The following CNTN4 variants were observed in gnomAD, a reference collection of about 807,000 sequenced individuals.
CNTN4 encodes the protein contactin 4, also known as contactin-4.
Under a neutral mutation model 122.5 loss-of-function variants are expected in CNTN4, and 77 were observed. The observed-to-expected ratio is 0.63, with a 90% CI of 0.52 to 0.76. The LOEUF (loss-of-function observed/expected upper bound fraction) is 0.76, where lower values mean the gene tolerates loss of function less well. Among genes scored for constraint, CNTN4 ranks in the 30% least tolerant of loss-of-function variants. CNTN4 has a pLI of 0.00. For synonymous variants in CNTN4, 512 were observed against 447.0 expected (o/e 1.15, Z -1.83); for missense variants, 1,256 against 1,259.1 (o/e 1.00, Z 0.04).
intron 6 of CNTN4, among the ~76,000 whole-genome samples, chr3:2,799,814 G>A (rs941824488): frequency 5.3e-5 from 8 of 151,972 alleles, no homozygotes; most frequent in South Asian, 4.1e-4. Context: ...TTTATATATG[G>A]TGAGAGATAG....
intron 3 of CNTN4, among the ~76,000 whole-genome samples, chr3:2,522,597 G>A (rs2077261035): frequency 6.6e-6 from 1 of 152,090 alleles, no homozygotes; most frequent in Non-Finnish European, 1.5e-5. Flanking sequence ...ACCGAAGAGT[G>A]CAAACATTAG....
At chr3:2,099,959 C>T (rs2031771706) in intron 1 of CNTN4, among the ~76,000 whole-genome samples, 1 of 152,204 alleles carries the variant, frequency 6.6e-6, no homozygotes, top group African/African-American at 2.4e-5. Flanking sequence ...CTGAACCAGC[C>T]AGAGAGTCGG....
At chr3:2,643,672 T>A (rs2082995862) in intron 4 of CNTN4, among the ~76,000 whole-genome samples, 1 of 152,170 alleles carries the variant, frequency 6.6e-6, no homozygotes, top group African/African-American at 2.4e-5. Context: ...AGTGGCATAT[T>A]TTCAGATAGT....
intron 3 of CNTN4, among the ~76,000 whole-genome samples, chr3:2,387,525 T>G (rs554208945): frequency 1.7e-4 from 26 of 152,272 alleles, no homozygotes; most frequent in African/African-American, 6.3e-4. Context: ...TTTTTATTGT[T>G]TAAGAAATTT....
intron 2 of CNTN4, among the ~76,000 whole-genome samples, chr3:2,302,008 G>A (rs931927023): frequency 1.3e-5 from 2 of 152,262 alleles, no homozygotes; most frequent in Admixed American, 6.5e-5. Flanking sequence ...GCATGTGCAC[G>A]TGTGTGTGTG....
intron 2 of CNTN4, among the ~76,000 whole-genome samples, chr3:2,141,746 C>T (rs2035007638): frequency 6.6e-6 from 1 of 151,994 alleles, no homozygotes; most frequent in Non-Finnish European, 1.5e-5. Flanking sequence ...TCACTGTTCT[C>T]AGGTTTACTA....
chr3:2,845,205 T>C, intron 7 of CNTN4, among the ~76,000 whole-genome samples: 1 of 152,284 alleles, frequency 6.6e-6, no homozygotes, highest in South Asian at 2.1e-4. Flanking sequence ...AAGACAATTA[T>C]AATTCATACT....
intron 3 of CNTN4, among the ~76,000 whole-genome samples, chr3:2,412,700 G>C (rs997290733): frequency 1.3e-5 from 2 of 151,982 alleles, no homozygotes; most frequent in Non-Finnish European, 2.9e-5. Flanking sequence ...CAAATAACAG[G>C]GCTTTTTTTT....
At chr3:2,636,007 A>G (rs2082643281) in intron 4 of CNTN4, among the ~76,000 whole-genome samples, 1 of 152,044 alleles carries the variant, frequency 6.6e-6, no homozygotes, top group East Asian at 1.9e-4. Flanking sequence ...ATAAGGTTAC[A>G]TTTCTTCCCT....
At chr3:2,891,750 A>C (rs181501120) in intron 10 of CNTN4, among the ~76,000 whole-genome samples, 1 of 152,344 alleles carries the variant, frequency 6.6e-6, no homozygotes, top group African/African-American at 2.4e-5. Context: ...GACAGACTGC[A>C]GTACTTTGTA....
intron 3 of CNTN4, among the ~76,000 whole-genome samples, chr3:2,569,848 C>G (rs1189465276): frequency 6.6e-6 from 1 of 151,996 alleles, no homozygotes; most frequent in Non-Finnish European, 1.5e-5. Flanking sequence ...TGAAGATTGC[C>G]AAACAAAAAG....
intron 3 of CNTN4, among the ~76,000 whole-genome samples, chr3:2,537,703 G>A (rs1366324869): frequency 6.6e-6 from 1 of 152,044 alleles, no homozygotes; most frequent in East Asian, 1.9e-4. Context: ...TATGGACCAC[G>A]ATCATGAGAC....
Position 3,043,009 on chromosome 3 carries a change from A to C in CNTN4, c.2544A>C (p.Glu848Asp). Residue 848 changes from glutamate (E) to aspartate (D), a missense_variant, in exon 22 of 25, where the codon GAA becomes GAC. Coordinates refer to ENST00000418658, the MANE Select transcript of CNTN4 (RefSeq NM_175607.3). The stretch of plus-strand genomic sequence containing the variant: ...ATTGGAGACATGAAGACAAAGAAGA[A>C]AATGCTAGAAAAATACGAACAGTTG... ...VKYWRHEDKE[E>D]NARKIRTVGN... 1 of 1,614,176 alleles carries C rather than the reference A, an allele frequency of 6.2e-7. No individual in the cohort carries two copies. The highest frequency in any genetic ancestry group is 2.2e-5 in the East Asian group (1 of 44,880).
intron 4 of CNTN4, among the ~76,000 whole-genome samples, chr3:2,593,019 T>C (rs1654223322): frequency 6.6e-6 from 1 of 152,148 alleles, no homozygotes; most frequent in Admixed American, 6.5e-5. Flanking sequence ...TTAAGCAAAT[T>C]GTCTCTTTAC....
In CNTN4 at chr3:2,374,728, C is replaced by T. The variant is rs562293384; in HGVS notation, c.-89+35495C>T. Among the ~76,000 whole-genome samples the T allele has an allele frequency of 4.6e-5, 7 of 152,160 alleles. No individual in the cohort carries two copies. The East Asian group carries it at 5.8e-4, about 13-fold the overall frequency. On this transcript the variant is annotated intron_variant, in intron 3 of 24. Transcript: ENST00000418658. ...TTCCATTCATTAAACACACTGACCA[C>T]GAGGAAATTAAAAAGTATTGAATTC... is the stretch of plus-strand genomic sequence containing the variant.
intron 6 of CNTN4, among the ~76,000 whole-genome samples, chr3:2,802,808 A>G (rs745551800): frequency 9.2e-5 from 14 of 152,188 alleles, no homozygotes; most frequent in Non-Finnish European, 1.6e-4. Context: ...GCAATTGAGA[A>G]CACAAATTGT....
intron 4 of CNTN4, among the ~76,000 whole-genome samples, chr3:2,598,095 G>C (rs2616593): frequency 0.58 from 87,919 of 151,980 alleles, 25,648 homozygotes; most frequent in Non-Finnish European, 0.62. Context: ...GCAGCACACT[G>C]TGAATTCAGC....
At chr3:2,266,075 C>G (rs1448946969) in intron 2 of CNTN4, among the ~76,000 whole-genome samples, 1 of 151,986 alleles carries the variant, frequency 6.6e-6, no homozygotes, top group Non-Finnish European at 1.5e-5. Flanking sequence ...TTCCTAACAG[C>G]TCTGACTAGG....
At chr3:2,892,724 G>C (rs2151061383) in intron 10 of CNTN4, among the ~76,000 whole-genome samples, 1 of 152,266 alleles carries the variant, frequency 6.6e-6, no homozygotes, top group South Asian at 2.1e-4. Flanking sequence ...GGTGTTATGA[G>C]AGTTAAACCA....
Sources: allele counts gnomAD v4.1 joint callset (sites outside exome capture counted in the v4.1 genomes callset), GRCh38; gene constraint gnomAD v4.1.1; transcripts MANE v1.5; gene names NCBI Gene and HGNC (gene_info 2026-07-23, HGNC 2026-07-21).